Variants in SIPA1L1 observed in about 807,000 individuals in gnomAD.
The protein encoded by SIPA1L1 is signal-induced proliferation-associated 1-like protein 1.
Under a neutral mutation model 162.7 loss-of-function variants are expected in SIPA1L1, and 26 were observed. That is an observed-to-expected ratio of 0.16 (90% CI 0.12 to 0.22). SIPA1L1 has a LOEUF of 0.22. SIPA1L1 is among the 10% of genes least tolerant of loss of function. The pLI, the probability that SIPA1L1 is intolerant of heterozygous loss-of-function variation, is 1.00. For missense variants in SIPA1L1, 1,874 were observed against 2,241.0 expected (o/e 0.84, Z 3.31); for synonymous variants, 829 against 837.4 (o/e 0.99, Z 0.17).
At chr14:71,358,355 C>T (rs1344201725) in intron 2 of SIPA1L1, among the ~76,000 whole-genome samples, 1 of 152,164 alleles carries the variant, frequency 6.6e-6, no homozygotes, top group Non-Finnish European at 1.5e-5. Context: ...TTACACACAG[C>T]TCTCTTCTAT....
chr14:71,464,799 T>C (rs2046865662), intron 2 of SIPA1L1, among the ~76,000 whole-genome samples: 1 of 152,200 alleles, frequency 6.6e-6, no homozygotes, highest in African/African-American at 2.4e-5. Flanking sequence ...TCTGTTGATA[T>C]AAATTAGAAA....
chr14:71,562,494 A>C (rs1285390896), intron 4 of SIPA1L1, among the ~76,000 whole-genome samples: 1 of 152,174 alleles, frequency 6.6e-6, no homozygotes, highest in Non-Finnish European at 1.5e-5. Flanking sequence ...ATTTGTGTAC[A>C]TCAATAATGT....
intron 8 of SIPA1L1, among the ~76,000 whole-genome samples, chr14:71,652,112 C>T (rs138574504): frequency 1.5e-3 from 224 of 152,146 alleles, no homozygotes; most frequent in Non-Finnish European, 2.5e-3. Flanking sequence ...CTAAAATGAA[C>T]GAAAAGTAGG....
chr14:71,562,906 C>T (rs999606526), intron 4 of SIPA1L1, among the ~76,000 whole-genome samples: 6 of 152,150 alleles, frequency 3.9e-5, no homozygotes, highest in Admixed American at 6.5e-5. Context: ...CCGCCCGCCT[C>T]GGCTTCCCAA....
chr14:71,451,042 A>G (rs1444756662), intron 2 of SIPA1L1, among the ~76,000 whole-genome samples: 1 of 152,212 alleles, frequency 6.6e-6, no homozygotes. Flanking sequence ...AAAATATGGT[A>G]TATATACACA....
chr14:71,696,859 T>A (rs1306776092), intron 13 of SIPA1L1, among the ~76,000 whole-genome samples: 1 of 152,234 alleles, frequency 6.6e-6, no homozygotes, highest in Non-Finnish European at 1.5e-5. Context: ...AATTCAAAGC[T>A]ATGATGTTGG....
chr14:71,341,914 C>T (rs2035696878), intron 2 of SIPA1L1, among the ~76,000 whole-genome samples: 1 of 152,146 alleles, frequency 6.6e-6, no homozygotes, highest in Non-Finnish European at 1.5e-5. Context: ...TGTTGATGAA[C>T]ACCTCCTTTG....
At chr14:71,708,484 C>A (rs2082642729) in intron 16 of SIPA1L1, among the ~76,000 whole-genome samples, 1 of 152,028 alleles carries the variant, frequency 6.6e-6, no homozygotes, top group African/African-American at 2.4e-5. Flanking sequence ...ACCACCATGC[C>A]TGGCTAATTT....
Position 71,723,028 on chromosome 14 carries a change from G to C in SIPA1L1, c.4209-619G>C, listed in dbSNP as rs547289444. Among the ~76,000 whole-genome samples the C allele has an allele frequency of 3.3e-5, 5 of 152,198 alleles. 1 individual carries two copies. Among genetic ancestry groups the C allele is most frequent in the East Asian group, 3.8e-4 (2 of 5,196 alleles). On this transcript the variant is annotated intron_variant, in intron 17 of 23. Coordinates refer to ENST00000381232, the MANE Select transcript of SIPA1L1 (RefSeq NM_001386936.1). Reference sequence around the variant, plus strand: ...TGGGATTACAGGCGTAAGCCACCCCGCCCAGCCCTAGTTTTGTAATCTTTA... The same window carrying C: ...TGGGATTACAGGCGTAAGCCACCCCCCCCAGCCCTAGTTTTGTAATCTTTA...
intron 10 of SIPA1L1, among the ~76,000 whole-genome samples, chr14:71,665,711 C>T (rs1049611044): frequency 6.6e-6 from 1 of 152,118 alleles, no homozygotes; most frequent in Non-Finnish European, 1.5e-5. Flanking sequence ...AGTAGTTCCT[C>T]CTTATCTGTT....
At chr14:71,535,558 G>A (rs925852195) in intron 4 of SIPA1L1, among the ~76,000 whole-genome samples, 1 of 151,792 alleles carries the variant, frequency 6.6e-6, no homozygotes, top group African/African-American at 2.4e-5. Context: ...AGCTGCATGT[G>A]GTTATTATCA....
intron 2 of SIPA1L1, among the ~76,000 whole-genome samples, chr14:71,367,328 A>G (rs1182684531): frequency 2.2e-5 from 3 of 135,506 alleles, no homozygotes; most frequent in African/African-American, 8.5e-5. Flanking sequence ...TTTTCCCGAT[A>G]TGGAGTCTCG....
At chr14:71,579,685 G>A (rs2033643717) in intron 4 of SIPA1L1, among the ~76,000 whole-genome samples, 1 of 152,070 alleles carries the variant, frequency 6.6e-6, no homozygotes, top group Non-Finnish European at 1.5e-5. Flanking sequence ...ATCTGCTAAG[G>A]GAAATATGCT....
chr14:71,371,701 G>T (rs1347275865), intron 2 of SIPA1L1, among the ~76,000 whole-genome samples: 1 of 152,122 alleles, frequency 6.6e-6, no homozygotes, highest in East Asian at 1.9e-4. Flanking sequence ...TGCCTGGCCA[G>T]AGTCTTCAAA....
intron 10 of SIPA1L1, among the ~76,000 whole-genome samples, chr14:71,666,361 A>T (rs762970610): frequency 3.3e-5 from 5 of 152,214 alleles, no homozygotes; most frequent in African/African-American, 4.8e-5. Flanking sequence ...GTGGAGGGGA[A>T]TCTACAGAAT....
At chr14:71,554,696 T>C (rs937242458) in intron 4 of SIPA1L1, among the ~76,000 whole-genome samples, 6 of 152,352 alleles carry the variant, frequency 3.9e-5, no homozygotes, top group African/African-American at 7.2e-5. Context: ...TTTGGGAATT[T>C]CATTCTTGTT....
chr14:71,552,096 T>C (rs1380915708), intron 4 of SIPA1L1, among the ~76,000 whole-genome samples: 1 of 152,198 alleles, frequency 6.6e-6, no homozygotes, highest in Non-Finnish European at 1.5e-5. Context: ...TGGCTTTGAT[T>C]GCTGTACCCG....
chr14:71,728,686 G>C (rs543489939), intron 19 of SIPA1L1, among the ~76,000 whole-genome samples: 1 of 152,210 alleles, frequency 6.6e-6, no homozygotes, highest in Non-Finnish European at 1.5e-5. Context: ...CCCCTTCAGA[G>C]TGTCATGGGA....
At chr14:71,437,399 G>A (rs558839864) in intron 2 of SIPA1L1, among the ~76,000 whole-genome samples, 9 of 151,814 alleles carry the variant, frequency 5.9e-5, no homozygotes, top group Non-Finnish European at 1.0e-4. Flanking sequence ...GCAGAGTCTC[G>A]TTCTGTCACC....
Sources: gnomAD v4.1 joint callset for allele counts (sites outside exome capture counted in the v4.1 genomes callset) on GRCh38, gnomAD v4.1.1 for gene constraint, MANE v1.5 for transcripts, NCBI Gene and HGNC (gene_info 2026-07-23, HGNC 2026-07-21) for gene names.